Variants in PACRG observed in about 807,000 individuals in gnomAD.
PACRG encodes parkin coregulated.
In PACRG, 29 loss-of-function variants were observed where a neutral mutation model predicts 29.7. The ratio of observed to expected loss-of-function variants is 0.98; its 90% CI spans 0.73 to 1.33. The LOEUF (loss-of-function observed/expected upper bound fraction) is 1.33. Ranked by LOEUF, PACRG falls within the 40% of genes most tolerant of loss-of-function variation. The pLI, the probability that PACRG is intolerant of heterozygous loss-of-function variation, is 0.00. For synonymous variants in PACRG, 116 were observed against 118.7 expected (o/e 0.98, Z 0.15); for missense variants, 279 against 316.2 (o/e 0.88, Z 0.89).
chr6:163,090,942 A>T (rs578822), intron 4 of PACRG, among the ~76,000 whole-genome samples: 38,306 of 152,136 alleles, frequency 0.25, 5,156 homozygotes, highest in East Asian at 0.51. Context: ...TACTATTTCC[A>T]TTTAATTGTT....
chr6:163,211,895 T>C (rs75957509), intron 4 of PACRG, among the ~76,000 whole-genome samples: 5 of 152,310 alleles, frequency 3.3e-5, no homozygotes, highest in African/African-American at 9.6e-5. Context: ...GCTGAGCACG[T>C]GCAGTCAGCG....
intron 3 of PACRG, among the ~76,000 whole-genome samples, chr6:163,072,898 G>A (rs981550213): frequency 1.3e-5 from 2 of 151,946 alleles, no homozygotes; most frequent in Non-Finnish European, 2.9e-5. Context: ...ATTAACCAAA[G>A]AAGTGAAAGA....
chr6:163,299,457 A>AG (rs1784905279), intron 4 of PACRG, among the ~76,000 whole-genome samples: 2 of 152,126 alleles, frequency 1.3e-5, no homozygotes, highest in Admixed American at 1.3e-4. Context: ...TGATGAGGAG[A>AG]GTGGAGGACG....
At chr6:163,214,569 C>A (rs1781287888) in intron 4 of PACRG, among the ~76,000 whole-genome samples, 1 of 151,858 alleles carries the variant, frequency 6.6e-6, no homozygotes, top group Middle Eastern at 3.4e-3. Context: ...TATATTTAAT[C>A]TTTTTTTAAT....
chr6:162,732,565 A>G (rs189579248), intron 1 of PACRG, among the ~76,000 whole-genome samples: 2 of 152,340 alleles, frequency 1.3e-5, no homozygotes, highest in Admixed American at 1.3e-4. Context: ...CCAGTGCTAA[A>G]TGTGCTACAT....
intron 2 of PACRG, among the ~76,000 whole-genome samples, chr6:162,852,008 G>A (rs1415070329): frequency 3.4e-5 from 4 of 117,906 alleles, no homozygotes; most frequent in Non-Finnish European, 7.6e-5. Context: ...AGGGAGGGAG[G>A]AAGGAAGGAA....
chr6:162,831,240 C>T (rs1231400729), intron 2 of PACRG, among the ~76,000 whole-genome samples: 1 of 152,166 alleles, frequency 6.6e-6, no homozygotes, highest in Non-Finnish European at 1.5e-5. Flanking sequence ...CTTATTCATT[C>T]TAAGATAGGT....
At chr6:163,256,076 C>T (rs1342480699) in intron 4 of PACRG, among the ~76,000 whole-genome samples, 1 of 152,216 alleles carries the variant, frequency 6.6e-6, no homozygotes, top group Non-Finnish European at 1.5e-5. Context: ...ATGTACTATT[C>T]TACGTTCTGC....
chr6:163,085,539 A>T (rs1585178981), intron 3 of PACRG, among the ~76,000 whole-genome samples: 1 of 152,218 alleles, frequency 6.6e-6, no homozygotes, highest in Admixed American at 6.5e-5. Context: ...ACTCCCAGTG[A>T]CACATCCAGT....
chr6:163,258,253 T>G (rs1170585687), intron 4 of PACRG, among the ~76,000 whole-genome samples: 2 of 152,232 alleles, frequency 1.3e-5, no homozygotes, highest in African/African-American at 4.8e-5. Context: ...CAGTTGTCTT[T>G]TAGACATGTC....
Position 163,108,441 on chromosome 6 carries a change from C to A in PACRG, c.613+19033C>A, listed in dbSNP as rs1476979370. ...TGACGGTGTTGCTCTGTTGCCCAGG[C>A]TGGAACGCAGTGGTGCAGTCTCCTC... is the stretch of plus-strand genomic sequence containing the variant. On this transcript the variant is annotated intron_variant, in intron 4 of 4. Transcript: ENST00000366888. Among the ~76,000 whole-genome samples the A allele has an allele frequency of 2.4e-5, 3 of 125,892 alleles. No homozygotes were observed. In the East Asian group the frequency reaches 7.2e-4, roughly 30 times the overall value. 82.6% of individuals were successfully genotyped at this position (125,892 alleles called of 152,430 possible).
At chr6:163,014,520 T>G (rs1254472737) in intron 2 of PACRG, among the ~76,000 whole-genome samples, 1 of 32 alleles carries the variant, frequency 0.031, no homozygotes, top group Non-Finnish European at 0.083. Context: ...CAACATGTAT[T>G]TTTTTTTTTT....
At chr6:163,237,478 T>C (rs1422892486) in intron 4 of PACRG, among the ~76,000 whole-genome samples, 1 of 152,232 alleles carries the variant, frequency 6.6e-6, no homozygotes, top group Non-Finnish European at 1.5e-5. Flanking sequence ...AATCTAGCTC[T>C]AGTTCATGTT....
At chr6:162,951,415 C>A (rs1445216668) in intron 2 of PACRG, among the ~76,000 whole-genome samples, 1 of 152,198 alleles carries the variant, frequency 6.6e-6, no homozygotes, top group African/African-American at 2.4e-5. Context: ...GATTGATTGG[C>A]CTCCAAGCCC....
intron 4 of PACRG, among the ~76,000 whole-genome samples, chr6:163,294,212 T>G (rs1015892992): frequency 6.6e-6 from 1 of 152,174 alleles, no homozygotes; most frequent in Non-Finnish European, 1.5e-5. Flanking sequence ...GAATTTAATC[T>G]CATATAAGAA....
chr6:163,174,756 G>A (rs1233447833), intron 4 of PACRG, among the ~76,000 whole-genome samples: 1 of 151,878 alleles, frequency 6.6e-6, no homozygotes, highest in African/African-American at 2.4e-5. Flanking sequence ...AAACAGCTGG[G>A]CACCGTCTCC....
At chr6:162,846,905 A>C (rs1020245822) in intron 2 of PACRG, among the ~76,000 whole-genome samples, 1 of 148,440 alleles carries the variant, frequency 6.7e-6, no homozygotes, top group Non-Finnish European at 1.5e-5. Context: ...TGCTCCCCAC[A>C]CTGTCCACTG....
intron 4 of PACRG, among the ~76,000 whole-genome samples, chr6:163,248,569 G>T (rs1373222390): frequency 6.6e-6 from 1 of 152,062 alleles, no homozygotes; most frequent in Non-Finnish European, 1.5e-5. Context: ...TTGTCTGATG[G>T]TTTCTCTGGG....
At chr6:163,185,335 C>T (rs1355378773) in intron 4 of PACRG, among the ~76,000 whole-genome samples, 1 of 152,172 alleles carries the variant, frequency 6.6e-6, no homozygotes, top group Non-Finnish European at 1.5e-5. Flanking sequence ...TGTGATAAAA[C>T]AATCCACGTA....
Sources: gnomAD v4.1 joint callset for allele counts (sites outside exome capture counted in the v4.1 genomes callset) on GRCh38, gnomAD v4.1.1 for gene constraint, MANE v1.5 for transcripts, NCBI Gene and HGNC (gene_info 2026-07-23, HGNC 2026-07-21) for gene names.